ITPR1: variants seen among roughly 807,000 people sequenced by gnomAD.
ITPR1 encodes the protein inositol 1,4,5-trisphosphate-gated calcium channel ITPR1.
A neutral mutation model predicts 318.4 loss-of-function variants in ITPR1; 96 were observed. The ratio of observed to expected loss-of-function variants is 0.30; its 90% CI spans 0.26 to 0.36. The LOEUF (loss-of-function observed/expected upper bound fraction) is 0.36, where lower values mean the gene tolerates loss of function less well. ITPR1 is among the 10% of genes least tolerant of loss of function. The pLI is 1.00. For synonymous variants in ITPR1, 1,312 were observed against 1,289.9 expected, an observed-to-expected ratio of 1.02 and a Z score of -0.37; for missense variants, 2,440 against 3,460.2, an observed-to-expected ratio of 0.71 and a Z score of 7.40.
chr3:4,769,229 G>T (rs891765979), intron 46 of ITPR1, among the ~76,000 whole-genome samples: 6 of 152,102 alleles, frequency 3.9e-5, no homozygotes, highest in African/African-American at 1.4e-4. Context: ...GTTCTGTGAT[G>T]CAAAAGCCTG....
At chr3:4,615,779 T>C (rs968565347) in intron 4 of ITPR1, among the ~76,000 whole-genome samples, 2 of 152,066 alleles carry the variant, frequency 1.3e-5, no homozygotes, top group Admixed American at 1.3e-4. Context: ...CTAGATCAGG[T>C]CAAAAAGGAA....
intron 4 of ITPR1, among the ~76,000 whole-genome samples, chr3:4,528,338 T>A (rs2083144601): frequency 6.6e-6 from 1 of 152,206 alleles, no homozygotes; most frequent in Non-Finnish European, 1.5e-5. Flanking sequence ...TCAAGATAGA[T>A]GAGTGCTGGT....
chr3:4,814,608 G>GT, intron 58 of ITPR1, 46 bp downstream of exon 58: 8 of 1,158,994 alleles, frequency 6.9e-6, no homozygotes, highest in South Asian at 2.6e-5. Flanking sequence ...GGCGGGTGGG[G>GT]TGGTTGGTGG....
Position 4,688,536 on chromosome 3 carries a change from T to A in ITPR1, c.3744T>A (p.His1248Gln), listed in dbSNP as rs2094433338. The stretch of plus-strand genomic sequence containing the variant: ...TGCAAGAGATAATGAGGTTGGCTCA[T>A]GAATTTTTGCAGAATTTCTGCGCAG... ...TKMQEIMRLA[H>Q]EFLQNFCAGN... The change falls in exon 31 of 62, where the codon CAT (histidine) becomes CAA (glutamine). Residue 1248 changes from histidine to glutamine, a missense_variant. Coordinates refer to ENST00000649015, the MANE Select transcript of ITPR1 (RefSeq NM_001378452.1). 6.2e-7 allele frequency: 1 copy of A among 1,613,924 alleles called. No individual in the cohort carries two copies.
At chr3:4,532,848 A>G (rs1460775127) in intron 4 of ITPR1, among the ~76,000 whole-genome samples, 1 of 152,258 alleles carries the variant, frequency 6.6e-6, no homozygotes, top group Admixed American at 6.5e-5. Flanking sequence ...GGCTTAAAAG[A>G]ACTTAATTCT....
chr3:4,708,431 G>A (rs2094803811), intron 37 of ITPR1, among the ~76,000 whole-genome samples: 1 of 152,158 alleles, frequency 6.6e-6, no homozygotes, highest in South Asian at 2.1e-4. Context: ...GATTTCTCGG[G>A]TCAAGTTAAG....
At chr3:4,726,916 T>G (rs1300409550) in intron 41 of ITPR1, among the ~76,000 whole-genome samples, 1 of 152,166 alleles carries the variant, frequency 6.6e-6, no homozygotes, top group Non-Finnish European at 1.5e-5. Context: ...AACAGTGCAC[T>G]AGGGTTGGGG....
At chr3:4,765,435 T>C (rs1250177340) in intron 44 of ITPR1, among the ~76,000 whole-genome samples, 1 of 152,202 alleles carries the variant, frequency 6.6e-6, no homozygotes, top group Non-Finnish European at 1.5e-5. Context: ...ATGTCGACGA[T>C]GGAAATCTGG....
chr3:4,704,744 T>G (rs965106291), intron 36 of ITPR1, among the ~76,000 whole-genome samples: 10 of 151,540 alleles, frequency 6.6e-5, no homozygotes, highest in Non-Finnish European at 1.0e-4. Context: ...ACAAGGAGAG[T>G]TGATGTCTGT....
Position 4,711,791 on chromosome 3 carries a change from A to G in ITPR1, c.5026A>G (p.Asn1676Asp). Residue 1676 changes from asparagine to aspartate, a missense_variant, in exon 39 of 62, where the codon AAT (asparagine) becomes GAT (aspartate). By Grantham distance (23) the Asn-to-Asp change is conservative (BLOSUM62 1). Transcript: ENST00000649015. The stretch of plus-strand genomic sequence containing the variant: ...GCATACAAAACAGCTGCTAGAAGAA[A>G]ATGAAGAGAAGCTCTGCATTAAGGT... ...IKHTKQLLEE[N>D]EEKLCIKVLQ... The G allele has an allele frequency of 1.3e-6, 2 of 1,553,030 alleles. No individual in the cohort carries two copies. The highest frequency in any genetic ancestry group is 1.7e-6 in the Non-Finnish European group (2 of 1,146,952).
intron 10 of ITPR1, among the ~76,000 whole-genome samples, chr3:4,647,110 C>T (rs542139704): frequency 1.0e-3 from 158 of 152,190 alleles, no homozygotes; most frequent in African/African-American, 3.4e-3. Context: ...ACTTCTATTG[C>T]CTGTTCTTGA....
In ITPR1 at chr3:4,806,779, G is replaced by A. The variant is rs143739008; in HGVS notation, c.7272+512G>A. Among the ~76,000 whole-genome samples the A allele has an allele frequency of 2.8e-4, 42 of 152,156 alleles. 2 individuals are homozygous for A. The highest frequency in any genetic ancestry group is 2.1e-4 in the Non-Finnish European group (14 of 67,996). On this transcript the variant is annotated intron_variant, in intron 55 of 61. Coordinates refer to ENST00000649015, the MANE Select transcript of ITPR1 (RefSeq NM_001378452.1). ...CCCTTTCAGTAGCTCATTTTCCTCC[G>A]ATATGAGCCAAGTGCTTAATGTCTT...
intron 4 of ITPR1, among the ~76,000 whole-genome samples, chr3:4,564,364 C>T (rs971265507): frequency 3.3e-5 from 5 of 152,148 alleles, no homozygotes; most frequent in Admixed American, 1.3e-4. Context: ...TTCATGTTTG[C>T]GTGTGTTCTT....
chr3:4,767,720 A>G (rs772404107), intron 45 of ITPR1, among the ~76,000 whole-genome samples: 17 of 152,216 alleles, frequency 1.1e-4, no homozygotes, highest in Non-Finnish European at 1.9e-4. Flanking sequence ...TAGAGATGGA[A>G]TCTCACTATG....
chr3:4,834,183 A>G (rs559179293), intron 60 of ITPR1, among the ~76,000 whole-genome samples: 1 of 152,340 alleles, frequency 6.6e-6, no homozygotes, highest in South Asian at 2.1e-4. Context: ...ACCAGCCACC[A>G]GGACTGGCCT....
chr3:4,669,692 A>T lies in ITPR1; in HGVS notation c.1925A>T (p.Asn642Ile). 1 of 1,613,322 alleles carries T rather than the reference A, an allele frequency of 6.2e-7. No individual in the cohort carries two copies. Reference protein sequence around the residue: ...DYLSDLCVSMNKSIPVTQELI... With the variant: ...DYLSDLCVSMIKSIPVTQELI... ...CTCTCCGACCTCTGTGTCTCCATGAACAAATCAATTCCAGTGACCCAGGAA... is the reference window on the plus strand; with the variant it reads ...CTCTCCGACCTCTGTGTCTCCATGATCAAATCAATTCCAGTGACCCAGGAA... Residue 642 changes from asparagine to isoleucine, a missense_variant, in exon 19 of 62, where the codon AAC (asparagine) becomes ATC (isoleucine). Physicochemically the swap from Asn to Ile is moderately radical, Grantham distance 149. Coordinates refer to ENST00000649015, the MANE Select transcript of ITPR1 (RefSeq NM_001378452.1).
chr3:4,720,962 T>C (rs545132706), intron 40 of ITPR1, among the ~76,000 whole-genome samples: 1 of 152,150 alleles, frequency 6.6e-6, no homozygotes, highest in Admixed American at 6.5e-5. Flanking sequence ...CTGCTTTTTT[T>C]CCTGGAATTT....
intron 4 of ITPR1, among the ~76,000 whole-genome samples, chr3:4,559,113 C>T (rs891222547): frequency 1.3e-5 from 2 of 151,944 alleles, no homozygotes; most frequent in Non-Finnish European, 2.9e-5. Flanking sequence ...CTGCCTTAGC[C>T]TCCTGAGTAG....
chr3:4,710,591 A>G lies in ITPR1; in HGVS notation c.4991+118A>G. On this transcript the variant is annotated intron_variant, in intron 38 of 61. Transcript: ENST00000649015. The surrounding 1 kb of genome is among the most constrained non-coding windows in gnomAD (Gnocchi z 4.2). The stretch of plus-strand genomic sequence containing the variant: ...TTTTAACTTTGATGAATGCAAGGTC[A>G]TGTGCTAAAGTCCTGTTCTGACCTC... The G allele has an allele frequency of 1.9e-6, 2 of 1,033,978 alleles. No individual in the cohort carries two copies. The highest frequency in any genetic ancestry group is 1.7e-5 in the South Asian group (1 of 58,646). 64.1% of individuals were successfully genotyped at this position (1,033,978 alleles called of 1,614,324 possible).
Sources: gnomAD v4.1 joint callset for allele counts (sites outside exome capture counted in the v4.1 genomes callset) on GRCh38, gnomAD v4.1.1 for gene constraint, Gnocchi (gnomAD v3.1) non-coding constraint, MANE v1.5 for transcripts, NCBI Gene and HGNC (gene_info 2026-07-23, HGNC 2026-07-21) for gene names.